SEM1: variants seen among roughly 807,000 people sequenced by gnomAD.
SEM1 encodes SEM1 26S proteasome subunit.
A neutral mutation model predicts 12.7 loss-of-function variants in SEM1; 3 were observed. The ratio of observed to expected loss-of-function variants is 0.24; its 90% CI spans 0.11 to 0.61. The LOEUF is 0.61. Among genes scored for constraint, SEM1 ranks in the 20% least tolerant of loss-of-function variants. The pLI is 0.88. For missense variants in SEM1, 59 were observed against 81.3 expected, an observed-to-expected ratio of 0.73 and a Z score of 1.06; for synonymous variants, 30 against 27.8, an observed-to-expected ratio of 1.08 and a Z score of -0.25.
intron 2 of SEM1, chr7:96,664,230 G>A (rs932628211): frequency 3.3e-5 from 5 of 152,138 alleles, no homozygotes; most frequent in South Asian, 2.1e-4. Flanking sequence ...GTCTATATGG[G>A]TCTCCCTGGA....
At chr7:96,634,648 G>A (rs944418846) in intron 2 of SEM1, among the ~76,000 whole-genome samples, 5 of 150,232 alleles carry the variant, frequency 3.3e-5, no homozygotes, top group Non-Finnish European at 4.4e-5. Flanking sequence ...ATGTAGGGTG[G>A]TATAATTTTG....
chr7:96,650,275 G>T, intron 2 of SEM1: 1 of 450,928 alleles, frequency 2.2e-6, no homozygotes, highest in Non-Finnish European at 3.9e-6. Context: ...GGGAAATTCC[G>T]CTGCACAAGA....
Position 96,601,917 on chromosome 7 carries a change from G to T in SEM1, c.170+92881C>A, listed in dbSNP as rs558085964. Among the ~76,000 whole-genome samples the T allele has an allele frequency of 1.2e-4, 19 of 152,174 alleles. No homozygotes were observed. In the East Asian group the frequency reaches 3.7e-3, roughly 29 times the overall value. On this transcript the variant is annotated intron_variant and NMD_transcript_variant, in intron 2 of 3. Transcript: ENST00000466986. Reference sequence around the variant, plus strand: ...GTGTTTCAAAAGGTAAACACAAAAAGGTCTATTACATTGGATGTGGAAAGA... The same window carrying T: ...GTGTTTCAAAAGGTAAACACAAAAATGTCTATTACATTGGATGTGGAAAGA...
chr7:96,631,931 C>T (rs1276391393), intron 2 of SEM1, among the ~76,000 whole-genome samples: 1 of 152,194 alleles, frequency 6.6e-6, no homozygotes, highest in African/African-American at 2.4e-5. Context: ...GACATTTATA[C>T]AGCCAACGGA....
downstream of SEM1, among the ~76,000 whole-genome samples, chr7:96,672,356 C>G (rs1789339200): frequency 6.6e-6 from 1 of 152,130 alleles, no homozygotes; most frequent in South Asian, 2.1e-4. Context: ...TGCAGGCCCA[C>G]CTAAGTATTA....
chr7:96,513,845 G>C (rs186084537), intron 2 of SEM1, among the ~76,000 whole-genome samples: 1 of 151,680 alleles, frequency 6.6e-6, no homozygotes, highest in Non-Finnish European at 1.5e-5. Context: ...AAAAAAATTC[G>C]TTATAAAAAT....
At chr7:96,667,477 G>A (rs529922436) in intron 2 of SEM1, among the ~76,000 whole-genome samples, 27 of 152,262 alleles carry the variant, frequency 1.8e-4, no homozygotes, top group South Asian at 4.1e-4. Flanking sequence ...TATTGGCCAC[G>A]GTAAACTTGG....
chr7:96,563,143 AC>A (rs1399367544), intron 2 of SEM1, among the ~76,000 whole-genome samples: 1 of 152,128 alleles, frequency 6.6e-6, no homozygotes, highest in Non-Finnish European at 1.5e-5. Context: ...TCCTGAGTAG[AC>A]AAGAGGTGAC....
chr7:96,668,284 A>G (rs1291057714), intron 2 of SEM1, among the ~76,000 whole-genome samples: 1 of 152,182 alleles, frequency 6.6e-6, no homozygotes, highest in Admixed American at 6.5e-5. Context: ...AAGAGTATAA[A>G]TTTTGACAAT....
chr7:96,694,092 G>T (rs1031003881), intron 2 of SEM1, among the ~76,000 whole-genome samples: 4 of 151,818 alleles, frequency 2.6e-5, no homozygotes, highest in Admixed American at 2.0e-4. Flanking sequence ...AGGTACGCAC[G>T]CAAGGTCACA....
At chr7:96,662,799 C>G (rs2116530954) in intron 2 of SEM1, among the ~76,000 whole-genome samples, 1 of 152,222 alleles carries the variant, frequency 6.6e-6, no homozygotes, top group Middle Eastern at 3.4e-3. Flanking sequence ...CAAAAACTAA[C>G]TCAATATGAT....
At chr7:96,704,586 C>G (rs1790387739) in intron 1 of SEM1, among the ~76,000 whole-genome samples, 1 of 152,148 alleles carries the variant, frequency 6.6e-6, no homozygotes, top group Admixed American at 6.5e-5. Context: ...GGACATTCAA[C>G]AGGTACTCTT....
At chr7:96,677,086 G>A (rs1789469549) in intron 2 of SEM1, among the ~76,000 whole-genome samples, 1 of 152,120 alleles carries the variant, frequency 6.6e-6, no homozygotes, top group African/African-American at 2.4e-5. Flanking sequence ...ATCACTAAAA[G>A]CAATCAGCGA....
At chr7:96,663,729 G>A (rs1789080700) in intron 2 of SEM1, among the ~76,000 whole-genome samples, 3 of 151,898 alleles carry the variant, frequency 2.0e-5, no homozygotes, top group Admixed American at 2.0e-4. Flanking sequence ...GAAAGGAAGT[G>A]AAAAAACAAC....
chr7:96,673,660 A>G (rs956545995), exon 3 of SEM1: 30 of 700,440 alleles, frequency 4.3e-5, no homozygotes, highest in Non-Finnish European at 6.3e-5. Context: ...CTCCATGCAC[A>G]TATCCACATG....
At chr7:96,578,949 G>A (rs1806295055) in intron 2 of SEM1, among the ~76,000 whole-genome samples, 7 of 152,114 alleles carry the variant, frequency 4.6e-5, no homozygotes, top group Admixed American at 4.6e-4. Flanking sequence ...TGCAGATCTA[G>A]GAAGTTCAAC....
Position 96,698,511 on chromosome 7 carries a change from C to T in SEM1, c.77-3620G>A, listed in dbSNP as rs537563382. Among the ~76,000 whole-genome samples, 9 of 152,046 alleles carry T rather than the reference C, an allele frequency of 5.9e-5. 1 individual carries two copies. In the East Asian group the frequency reaches 7.7e-4, roughly 13 times the overall value. ...ACTTCCACTTATGAGTGAGAACATG[C>T]GGTGTTAGGTTTTCTGTTCTTGTGT... On this transcript the variant is annotated intron_variant, in intron 1 of 2. Coordinates refer to ENST00000248566, the MANE Select transcript of SEM1 (RefSeq NM_006304.2).
intron 2 of SEM1, among the ~76,000 whole-genome samples, chr7:96,662,186 G>A (rs1406577097): frequency 2.0e-5 from 3 of 152,006 alleles, no homozygotes; most frequent in African/African-American, 7.3e-5. Context: ...ATACCCAAAG[G>A]ATTATAAATC....
chr7:96,612,761 C>T (rs975491237), intron 2 of SEM1, among the ~76,000 whole-genome samples: 3 of 151,980 alleles, frequency 2.0e-5, no homozygotes, highest in Non-Finnish European at 4.4e-5. Context: ...TCAGCCTCCC[C>T]AGTAGCTGGG....
Sources: allele counts gnomAD v4.1 joint callset (sites outside exome capture counted in the v4.1 genomes callset), GRCh38; gene constraint gnomAD v4.1.1; transcripts MANE v1.5; gene names NCBI Gene and HGNC (gene_info 2026-07-23, HGNC 2026-07-21).